The following SLC45A4 variants were observed in gnomAD, a reference collection of about 807,000 sequenced individuals.
The protein encoded by SLC45A4 is polyamine-transporter SLC45A4.
SLC45A4 carries 32 observed loss-of-function variants against 63.7 expected under a neutral mutation model. The observed-to-expected ratio is 0.50, with a 90% confidence interval of 0.38 to 0.67. The LOEUF is 0.67. Among genes scored for constraint, SLC45A4 ranks in the 30% least tolerant of loss-of-function variants. The pLI, the probability that SLC45A4 is intolerant of heterozygous loss-of-function variation, is 0.00. For missense variants in SLC45A4, 1,027 were observed against 1,157.7 expected, an observed-to-expected ratio of 0.89 and a Z score of 1.64; for synonymous variants, 535 against 510.0, an observed-to-expected ratio of 1.05 and a Z score of -0.66.
At chr8:141,287,350 G>C (rs952194189) in intron 1 of SLC45A4, among the ~76,000 whole-genome samples, 1 of 152,218 alleles carries the variant, frequency 6.6e-6, no homozygotes, top group African/African-American at 2.4e-5. Flanking sequence ...CTGCTCTGAT[G>C]CTCTGATAGG....
intron 1 of SLC45A4, among the ~76,000 whole-genome samples, chr8:141,283,618 T>C (rs1830039617): frequency 6.6e-6 from 1 of 152,210 alleles, no homozygotes; most frequent in African/African-American, 2.4e-5. Context: ...CTGTGGTCAG[T>C]CAGCTTTCAG....
chr8:141,212,669 G>C (rs541887543), intron 7 of SLC45A4, 113 bp from the exon 8 acceptor site: 2 of 1,320,238 alleles, frequency 1.5e-6, no homozygotes, highest in Non-Finnish European at 2.0e-6. Flanking sequence ...GTCTTCCACC[G>C]AGTCTCTTGG....
At chr8:141,283,533 T>C (rs1160923869) in intron 1 of SLC45A4, among the ~76,000 whole-genome samples, 1 of 152,186 alleles carries the variant, frequency 6.6e-6, no homozygotes, top group Non-Finnish European at 1.5e-5. Context: ...ATTCCAGGCA[T>C]CAACATCGGT....
intron 1 of SLC45A4, among the ~76,000 whole-genome samples, chr8:141,284,620 C>T (rs1830073682): frequency 6.6e-6 from 1 of 152,248 alleles, no homozygotes; most frequent in South Asian, 2.1e-4. Flanking sequence ...GAACAGTGAC[C>T]CAAAGAAAAA....
Position 141,212,078 on chromosome 8 carries a change from G to A in SLC45A4, c.2301+119C>T, listed in dbSNP as rs1264867514. ...GGGCTCTGGCCCGCACTGCCGGGTC[G>A]GCCACAGCATCTGCAGGGTTCCGCG... On this transcript the variant is annotated intron_variant, in intron 8 of 8. Transcript: ENST00000517878. 15 of 1,407,360 alleles carry A rather than the reference G, an allele frequency of 1.1e-5. 1 individual carries two copies. Among genetic ancestry groups the A allele is most frequent in the South Asian group, 8.1e-5 (5 of 61,352 alleles). The allele number at this position is 1,407,360 out of a possible 1,614,324, so 87.2% of individuals were successfully genotyped here. A position where few individuals can be genotyped will look rare whatever the true frequency, so the allele number is the denominator to read the frequency against.
At chr8:141,237,087 T>C (rs1035574129) in intron 2 of SLC45A4, among the ~76,000 whole-genome samples, 3 of 152,256 alleles carry the variant, frequency 2.0e-5, no homozygotes, top group African/African-American at 7.2e-5. Flanking sequence ...GTTCTAAGAT[T>C]TTGAAAATTA....
At chr8:141,286,189 C>T (rs922781532) in intron 1 of SLC45A4, among the ~76,000 whole-genome samples, 1 of 152,186 alleles carries the variant, frequency 6.6e-6, no homozygotes, top group Non-Finnish European at 1.5e-5. Context: ...GTGCCCAAGG[C>T]ACTGGGTGCC....
At position 141,216,000 on chromosome 8, in the gene SLC45A4, G is replaced by A. The variant is rs1236411503; in HGVS notation, c.1730-30C>T. The A allele has an allele frequency of 6.3e-7, 1 of 1,597,384 alleles. No homozygotes were observed. The highest frequency in any genetic ancestry group is 8.5e-7 in the Non-Finnish European group (1 of 1,170,670). On this transcript the variant is annotated intron_variant, in intron 6 of 8. Coordinates refer to ENST00000517878, the MANE Select transcript of SLC45A4 (RefSeq NM_001286646.2). This position sits in a 1 kb window ranked among gnomAD's most constrained non-coding sequence, Gnocchi z 4.3. ...AGAGAGGGGCACAGGGACAAGGACA[G>A]TGGGCAGGCGGCTGGCTCCTGTCGG...
rs1826336273 is a variant in SLC45A4, at chr8:141,218,444, G to C, written c.1196C>G (p.Thr399Ser). The C allele has an allele frequency of 6.2e-7, 1 of 1,612,458 alleles. No individual in the cohort carries two copies. The highest frequency in any genetic ancestry group is 1.7e-5 in the Admixed American group (1 of 60,012). The change falls in exon 5 of 9, where the codon ACC becomes AGC. Residue 399 changes from threonine to serine, a missense_variant. Physicochemically the swap from Thr to Ser is moderately conservative, Grantham distance 58 (BLOSUM62 1). Transcript: ENST00000517878. ...SPTKDALGGYTRVDTKPSATS... is the reference protein window; with the variant it reads ...SPTKDALGGYSRVDTKPSATS... Reference sequence around the variant, plus strand: ...GGCCGAGGGCTTCGTGTCCACCCTGGTGTAGCCGCCGAGGGCGTCTTTTGT... The same window carrying C: ...GGCCGAGGGCTTCGTGTCCACCCTGCTGTAGCCGCCGAGGGCGTCTTTTGT...
rs1031714117 is a variant in SLC45A4, at chr8:141,239,909, G to A, written c.241+14080C>T. Among the ~76,000 whole-genome samples, 263 of 152,350 alleles carry A rather than the reference G, an allele frequency of 1.7e-3. 7 individuals are homozygous for A. Among genetic ancestry groups the A allele is most frequent in the Non-Finnish European group, 1.8e-4 (12 of 68,030 alleles). On this transcript the variant is annotated intron_variant, in intron 2 of 8. Coordinates refer to ENST00000517878, the MANE Select transcript of SLC45A4 (RefSeq NM_001286646.2). ...GTCAGGGCCCCACACAACCCAGGGA[G>A]TGGAGGGCAATGACCAGCACTTAAT...
At chr8:141,239,319 T>C (rs1380463508) in intron 2 of SLC45A4, among the ~76,000 whole-genome samples, 1 of 152,126 alleles carries the variant, frequency 6.6e-6, no homozygotes, top group Admixed American at 6.5e-5. Flanking sequence ...CAAAACAAAA[T>C]AGGTTTACTG....
At chr8:141,280,252 A>C (rs1264796494) in intron 1 of SLC45A4, among the ~76,000 whole-genome samples, 1 of 152,192 alleles carries the variant, frequency 6.6e-6, no homozygotes, top group Non-Finnish European at 1.5e-5. Context: ...TCCTGGGGTC[A>C]CTGGCTCGTG....
chr8:141,305,323 C>A lies in SLC45A4; in HGVS notation c.-401+2773G>T, dbSNP rs1390783460. ...GCCTGCTTTTGGGGTCCTCTCACCCCTTCCTTTCTACAAGGCTGCTCTTCG... is the reference window on the plus strand; with the variant it reads ...GCCTGCTTTTGGGGTCCTCTCACCCATTCCTTTCTACAAGGCTGCTCTTCG... On this transcript the variant is annotated intron_variant, in intron 1 of 8. Transcript: ENST00000517878. 2.6e-5 allele frequency among the ~76,000 whole-genome samples: 4 copies of A among 152,350 alleles called. No individual in the cohort carries two copies. The South Asian group carries it at 8.3e-4, about 32-fold the overall frequency.
At chr8:141,235,975 G>A (rs1255278572) in intron 2 of SLC45A4, among the ~76,000 whole-genome samples, 2 of 152,150 alleles carry the variant, frequency 1.3e-5, no homozygotes, top group East Asian at 3.9e-4. Context: ...GTGGTGGTAT[G>A]TGCCTGTAAT....
chr8:141,244,787 C>T (rs539604048), intron 2 of SLC45A4, among the ~76,000 whole-genome samples: 3 of 152,104 alleles, frequency 2.0e-5, no homozygotes, highest in Non-Finnish European at 1.5e-5. Context: ...CAGTGTGACA[C>T]CGACGGGGCT....
chr8:141,268,735 G>A (rs1376394385), intron 1 of SLC45A4, among the ~76,000 whole-genome samples: 1 of 152,144 alleles, frequency 6.6e-6, no homozygotes, highest in Non-Finnish European at 1.5e-5. Context: ...CATGAGAAAG[G>A]AATTAAGGGG....
intron 1 of SLC45A4, among the ~76,000 whole-genome samples, chr8:141,294,395 G>A (rs1326183768): frequency 2.0e-5 from 3 of 152,252 alleles, no homozygotes; most frequent in Non-Finnish European, 2.9e-5. Flanking sequence ...CAGGAGGTCA[G>A]CAGAGGCAGC....
At chr8:141,212,008 T>G in intron 8 of SLC45A4, 189 bp downstream of exon 8, 1 of 1,314,288 alleles carries the variant, frequency 7.6e-7, no homozygotes, top group South Asian at 2.5e-5. Context: ...GCTTAGTAGC[T>G]CAAACCTACC....
rs1569557668 is a variant in SLC45A4 at position 141,208,353 on chromosome 8, C to G, written c.*3219G>C. ...GAGCCGAGGGTGGCCTGCAGCTCCC[C>G]CTTCCAGCCCTCTTGTTGCTGCAGG... On this transcript the variant is annotated 3_prime_UTR_variant, in exon 9 of 9. Coordinates refer to ENST00000517878, the MANE Select transcript of SLC45A4 (RefSeq NM_001286646.2). 3 of 152,296 alleles carry G rather than the reference C, an allele frequency of 2.0e-5. No individual in the cohort carries two copies. In the South Asian group the frequency reaches 6.2e-4, roughly 32 times the overall value. 9.4% of individuals were successfully genotyped at this position (152,296 alleles called of 1,614,324 possible). A position where few individuals can be genotyped will look rare whatever the true frequency, so the allele number is the denominator to read the frequency against.
Sources: gnomAD v4.1 joint callset for allele counts (sites outside exome capture counted in the v4.1 genomes callset) on GRCh38, gnomAD v4.1.1 for gene constraint, Gnocchi (gnomAD v3.1) non-coding constraint, MANE v1.5 for transcripts, NCBI Gene and HGNC (gene_info 2026-07-23, HGNC 2026-07-21) for gene names.